NEO1: variants seen among roughly 807,000 people sequenced by gnomAD.
NEO1 encodes the protein neogenin 1.
Under a neutral mutation model 159.7 loss-of-function variants are expected in NEO1, and 63 were observed. The observed-to-expected ratio is 0.39, with a 90% confidence interval of 0.32 to 0.49. The LOEUF (loss-of-function observed/expected upper bound fraction) is 0.49, where lower values mean the gene tolerates loss of function less well. Among genes scored for constraint, NEO1 ranks in the 20% least tolerant of loss-of-function variants. NEO1 has a pLI of 0.85. For synonymous variants in NEO1, 633 were observed against 662.0 expected (o/e 0.96, Z 0.67); for missense variants, 1,615 against 1,831.0 (o/e 0.88, Z 2.15).
At chr15:73,290,224 ATTTTTT>A (rs34114271) in intron 25 of NEO1, among the ~76,000 whole-genome samples, 6 of 82,250 alleles carry the variant, frequency 7.3e-5, no homozygotes, top group Non-Finnish European at 1.4e-4. Context: ...ACTGTGTGGA[ATTTTTT>A]TTTTTTTTTT....
intron 1 of NEO1, among the ~76,000 whole-genome samples, chr15:73,068,274 T>C (rs2068338197): frequency 8.1e-6 from 1 of 123,642 alleles, no homozygotes. Flanking sequence ...CAGGCTGGAG[T>C]GCATTGGTGG....
At chr15:73,225,832 A>G (rs982047880) in intron 7 of NEO1, among the ~76,000 whole-genome samples, 1 of 152,062 alleles carries the variant, frequency 6.6e-6, no homozygotes, top group Non-Finnish European at 1.5e-5. Flanking sequence ...TCAAATTGTT[A>G]CAAAGTTCAG....
chr15:73,225,372 TTA>T (rs1319577151), intron 7 of NEO1, among the ~76,000 whole-genome samples: 2 of 152,030 alleles, frequency 1.3e-5, no homozygotes, highest in African/African-American at 4.8e-5. Context: ...ACTTCCAAGA[TTA>T]TATACCCTTG....
chr15:73,267,257 AAAAAC>A (rs2040950663), intron 16 of NEO1, among the ~76,000 whole-genome samples: 3 of 152,248 alleles, frequency 2.0e-5, no homozygotes, highest in Admixed American at 2.0e-4. Context: ...GATTGTCTCA[AAAAAC>A]AAAACAAACA....
intron 5 of NEO1, among the ~76,000 whole-genome samples, chr15:73,137,377 T>C (rs1336104772): frequency 6.6e-6 from 1 of 152,110 alleles, no homozygotes. Context: ...ATGAAAAATA[T>C]ACTAAAAATA....
intron 1 of NEO1, among the ~76,000 whole-genome samples, chr15:73,077,002 G>C (rs1439544439): frequency 1.3e-5 from 2 of 152,016 alleles, no homozygotes; most frequent in African/African-American, 4.8e-5. Flanking sequence ...GAAAACTGTA[G>C]GATAGTGATA....
intron 7 of NEO1, among the ~76,000 whole-genome samples, chr15:73,197,275 C>G (rs1315081692): frequency 6.6e-6 from 1 of 152,148 alleles, no homozygotes; most frequent in Non-Finnish European, 1.5e-5. Context: ...AGGGGAATCA[C>G]TTGAACCTGG....
At chr15:73,210,551 T>C (rs55939596) in intron 7 of NEO1, among the ~76,000 whole-genome samples, 48,987 of 152,162 alleles carry the variant, frequency 0.32, 9,084 homozygotes, top group Admixed American at 0.45. Flanking sequence ...ATAACTTTTA[T>C]TTGAGAAAGC....
chr15:73,052,640 C>G lies in NEO1; in HGVS notation c.-36C>G, dbSNP rs766700674. The G allele has an allele frequency of 4.1e-6, 5 of 1,226,590 alleles. No homozygotes were observed. Among genetic ancestry groups the G allele is most frequent in the Admixed American group, 8.6e-5 (2 of 23,164 alleles). The allele number at this position is 1,226,590 out of a possible 1,614,324, so 76.0% of individuals were successfully genotyped here. ...GGAAGGAGGCAAGGGCTCCGCGGCG[C>G]TGTCGCCGCCGCTGCCGCTCACTCT... On this transcript the variant is annotated 5_prime_UTR_variant, in exon 1 of 29. Transcript: ENST00000261908.
intron 5 of NEO1, among the ~76,000 whole-genome samples, chr15:73,141,396 G>A (rs2032371059): frequency 1.3e-5 from 2 of 152,172 alleles, no homozygotes; most frequent in Non-Finnish European, 1.5e-5. Context: ...ATGCAGTGAC[G>A]TGAATTAGCC....
chr15:73,205,788 T>A (rs2037179042), intron 7 of NEO1, among the ~76,000 whole-genome samples: 1 of 152,218 alleles, frequency 6.6e-6, no homozygotes, highest in Admixed American at 6.5e-5. Context: ...AGTCATTCAT[T>A]TTCAATTTTC....
chr15:73,211,992 A>AT lies in NEO1; in HGVS notation c.1292-24347dup, dbSNP rs957614073. ...TTTTGTGATTACATTGAGGTTATGG[A>AT]TTTTTTTTGGAGGAATACCACAGAA... On this transcript the variant is annotated intron_variant, in intron 7 of 28. Transcript: ENST00000261908. Among the ~76,000 whole-genome samples the AT allele has an allele frequency of 1.3e-4, 20 of 152,026 alleles. No individual in the cohort carries two copies. In the South Asian group the frequency reaches 4.2e-3, roughly 32 times the overall value.
At chr15:73,274,954 C>A (rs539347977) in intron 21 of NEO1, among the ~76,000 whole-genome samples, 2 of 152,274 alleles carry the variant, frequency 1.3e-5, no homozygotes, top group African/African-American at 4.8e-5. Flanking sequence ...ACTGGTCCTG[C>A]AGCTGTAGGA....
chr15:73,240,357 CAGGTGGGCATGACT>C (rs2039431555), intron 8 of NEO1, among the ~76,000 whole-genome samples: 6 of 152,022 alleles, frequency 3.9e-5, no homozygotes, highest in Admixed American at 1.3e-4. Context: ...TTGGCAGGGG[CAGGTGGGCATGACT>C]AGTGTATGTA....
chr15:73,160,801 C>T (rs370508612), intron 5 of NEO1, among the ~76,000 whole-genome samples: 2 of 152,316 alleles, frequency 1.3e-5, no homozygotes, highest in African/African-American at 4.8e-5. Context: ...CTCTCCCAAA[C>T]CCTGTCCTTA....
At chr15:73,077,788 C>A (rs777584448) in intron 1 of NEO1, among the ~76,000 whole-genome samples, 1 of 152,156 alleles carries the variant, frequency 6.6e-6, no homozygotes, top group Admixed American at 6.5e-5. Context: ...GTGATATATG[C>A]TGTAAAAGGG....
intron 1 of NEO1, among the ~76,000 whole-genome samples, chr15:73,055,570 C>T (rs890222216): frequency 6.6e-6 from 1 of 152,054 alleles, no homozygotes; most frequent in African/African-American, 2.4e-5. Flanking sequence ...CTCTGTTTGC[C>T]CTCAGTTGCC....
chr15:73,206,734 A>G (rs1239276386), intron 7 of NEO1, among the ~76,000 whole-genome samples: 1 of 151,820 alleles, frequency 6.6e-6, no homozygotes, highest in Non-Finnish European at 1.5e-5. Flanking sequence ...GATTTTCTCT[A>G]TTTTTTTGTT....
chr15:73,208,908 ATTTT>A (rs1245541532), intron 7 of NEO1, among the ~76,000 whole-genome samples: 1 of 152,094 alleles, frequency 6.6e-6, no homozygotes, highest in Admixed American at 6.6e-5. Flanking sequence ...AAACCTTAAG[ATTTT>A]CATGCTAACT....
Sources: allele counts gnomAD v4.1 joint callset (sites outside exome capture counted in the v4.1 genomes callset), GRCh38; gene constraint gnomAD v4.1.1; transcripts MANE v1.5; gene names NCBI Gene and HGNC (gene_info 2026-07-23, HGNC 2026-07-21).